ATP8B4: variants seen among roughly 807,000 people sequenced by gnomAD.
The protein encoded by ATP8B4 is probable phospholipid-transporting ATPase IM.
In ATP8B4, 133 loss-of-function variants were observed where a neutral mutation model predicts 145.6. That is an observed-to-expected ratio of 0.91 (90% CI 0.79 to 1.05). The LOEUF (loss-of-function observed/expected upper bound fraction) is 1.05, where lower values mean the gene tolerates loss of function less well. ATP8B4 is among the 50% of genes least tolerant of loss of function. The pLI is 0.00. For missense variants in ATP8B4, 1,458 were observed against 1,425.2 expected, an observed-to-expected ratio of 1.02 and a Z score of -0.37; for synonymous variants, 507 against 492.9, an observed-to-expected ratio of 1.03 and a Z score of -0.38.
intron 7 of ATP8B4, among the ~76,000 whole-genome samples, chr15:50,007,268 C>T (rs946360766): frequency 6.6e-6 from 1 of 152,128 alleles, no homozygotes; most frequent in East Asian, 1.9e-4. Context: ...CTGCACTGGG[C>T]ACAACATATT....
chr15:49,905,985 C>T (rs2038579033), intron 20 of ATP8B4, among the ~76,000 whole-genome samples: 1 of 149,902 alleles, frequency 6.7e-6, no homozygotes, highest in Non-Finnish European at 1.5e-5. Context: ...CATGCACACA[C>T]ACTTTTTTGC....
chr15:49,956,692 C>T (rs2043594352), intron 14 of ATP8B4, among the ~76,000 whole-genome samples: 1 of 152,042 alleles, frequency 6.6e-6, no homozygotes, highest in Non-Finnish European at 1.5e-5. Context: ...CAGGTGTGCC[C>T]CAGCATGCCT....
intron 6 of ATP8B4, among the ~76,000 whole-genome samples, chr15:50,023,779 C>CAAAAAAAAAAAAAAAAAAAA (rs60030651): frequency 1.3e-3 from 97 of 74,964 alleles, no homozygotes; most frequent in East Asian, 2.3e-3. Flanking sequence ...AGACCAAAGG[C>CAAAAAAAAAAAAAAAAAAAA]AAAAAAAAAA....
chr15:50,085,936 T>C (rs1206386273), intron 2 of ATP8B4, among the ~76,000 whole-genome samples: 72 of 76,840 alleles, frequency 9.4e-4, no homozygotes, highest in African/African-American at 5.0e-3. Flanking sequence ...ATCATATATA[T>C]TTATATATGA....
At chr15:49,965,102 AC>A (rs2044408963) in intron 13 of ATP8B4, among the ~76,000 whole-genome samples, 1 of 152,224 alleles carries the variant, frequency 6.6e-6, no homozygotes, top group Admixed American at 6.5e-5. Flanking sequence ...TAACAATGCA[AC>A]TGTGGGCTTG....
chr15:49,899,071 A>G (rs2037738384), intron 21 of ATP8B4, among the ~76,000 whole-genome samples: 1 of 152,202 alleles, frequency 6.6e-6, no homozygotes, highest in South Asian at 2.1e-4. Flanking sequence ...TTCACAGCCC[A>G]TATCAATCTG....
chr15:50,113,526 G>A (rs189419867), intron 1 of ATP8B4, among the ~76,000 whole-genome samples: 19 of 115,424 alleles, frequency 1.6e-4, no homozygotes, highest in Admixed American at 1.1e-3. Context: ...ATGTGTGTAC[G>A]TATGGGTGTG....
chr15:49,864,437 G>A (rs1034625434), intron 26 of ATP8B4, among the ~76,000 whole-genome samples: 2 of 152,158 alleles, frequency 1.3e-5, no homozygotes, highest in Non-Finnish European at 2.9e-5. Context: ...AAGAATGTTG[G>A]TCACTGCGCA....
chr15:50,006,519 TG>T (rs2048319469), intron 7 of ATP8B4, among the ~76,000 whole-genome samples: 1 of 146,208 alleles, frequency 6.8e-6, no homozygotes, highest in Non-Finnish European at 1.5e-5. Flanking sequence ...AAGGCCTCTC[TG>T]GAAGTGTGTC....
intron 15 of ATP8B4, among the ~76,000 whole-genome samples, chr15:49,932,662 G>C (rs1055621241): frequency 6.6e-6 from 1 of 152,080 alleles, no homozygotes; most frequent in Non-Finnish European, 1.5e-5. Context: ...AAGCACATTA[G>C]CCAGCATTTG....
chr15:49,876,533 G>C lies in ATP8B4; in HGVS notation c.2782-10C>G. ...TCTGGTCACTCACATCCTGTAAACA[G>C]AGTGTAATTTCAGTGGAGAAGGATT... On this transcript the variant is annotated splice_polypyrimidine_tract_variant and intron_variant, in intron 24 of 27. Transcript: ENST00000284509. 1.2e-6 allele frequency: 2 copies of C among 1,613,776 alleles called. No homozygotes were observed. Among genetic ancestry groups the C allele is most frequent in the Non-Finnish European group, 1.7e-6 (2 of 1,179,770 alleles).
intron 8 of ATP8B4, among the ~76,000 whole-genome samples, chr15:49,998,381 C>T (rs551393349): frequency 6.6e-6 from 1 of 152,288 alleles, no homozygotes; most frequent in East Asian, 1.9e-4. Context: ...TCCTATTTCT[C>T]CACATCCTCT....
At chr15:50,067,400 C>T (rs551330058) in intron 3 of ATP8B4, among the ~76,000 whole-genome samples, 89 of 152,286 alleles carry the variant, frequency 5.8e-4, no homozygotes, top group African/African-American at 1.9e-3. Context: ...TTCTCTTAGC[C>T]TGTAGTCTAA....
intron 2 of ATP8B4, among the ~76,000 whole-genome samples, chr15:50,075,584 C>T (rs913069153): frequency 2.0e-5 from 3 of 152,098 alleles, no homozygotes; most frequent in South Asian, 2.1e-4. Flanking sequence ...TTTTCTAGTC[C>T]GGCTCAACTA....
chr15:49,947,064 G>T (rs114901983), intron 14 of ATP8B4, among the ~76,000 whole-genome samples: 1 of 152,192 alleles, frequency 6.6e-6, no homozygotes. Context: ...CGGTAGGGTT[G>T]TTGCTAGCTG....
chr15:49,882,703 A>G (rs1486413149), intron 23 of ATP8B4, among the ~76,000 whole-genome samples: 1 of 152,182 alleles, frequency 6.6e-6, no homozygotes, highest in Non-Finnish European at 1.5e-5. Context: ...GGAACTCCTA[A>G]TCATATGGTA....
At chr15:50,132,006 T>C (rs2044054383) in intron 1 of ATP8B4, among the ~76,000 whole-genome samples, 1 of 151,928 alleles carries the variant, frequency 6.6e-6, no homozygotes, top group South Asian at 2.1e-4. Flanking sequence ...CACTTATTTT[T>C]AAAGGTAATG....
At chr15:49,947,054 C>T (rs1003953343) in intron 14 of ATP8B4, among the ~76,000 whole-genome samples, 7 of 152,212 alleles carry the variant, frequency 4.6e-5, no homozygotes, top group East Asian at 1.9e-4. Flanking sequence ...ATTTCTATCA[C>T]GGTAGGGTTG....
intron 6 of ATP8B4, among the ~76,000 whole-genome samples, chr15:50,024,653 T>G (rs2049869764): frequency 6.6e-6 from 1 of 152,212 alleles, no homozygotes; most frequent in Non-Finnish European, 1.5e-5. Context: ...CTATTTCTGC[T>G]TCTCCACTGG....
Sources: gnomAD v4.1 joint callset for allele counts (sites outside exome capture counted in the v4.1 genomes callset) on GRCh38, gnomAD v4.1.1 for gene constraint, MANE v1.5 for transcripts, NCBI Gene and HGNC (gene_info 2026-07-23, HGNC 2026-07-21) for gene names.